SBF2: variants seen among roughly 807,000 people sequenced by gnomAD.
SBF2 encodes the protein SET binding factor 2, also known as myotubularin-related protein 13.
In SBF2, 112 loss-of-function variants were observed where a neutral mutation model predicts 225.2. The ratio of observed to expected loss-of-function variants is 0.50; its 90% CI spans 0.43 to 0.58. SBF2 has a LOEUF of 0.58. Ranked by LOEUF, SBF2 falls within the 20% of genes least tolerant of loss-of-function variation. SBF2 has a pLI of 0.00. For missense variants in SBF2, 1,996 were observed against 2,206.2 expected (o/e 0.90, Z 1.91); for synonymous variants, 763 against 773.3 (o/e 0.99, Z 0.22).
At chr11:9,910,776 C>T (rs547819680) in intron 16 of SBF2, among the ~76,000 whole-genome samples, 32 of 150,748 alleles carry the variant, frequency 2.1e-4, no homozygotes, top group African/African-American at 6.8e-4. Flanking sequence ...GGGCTGGGTA[C>T]GGTGGCTCAC....
chr11:10,192,711 A>C (rs1260264849), intron 2 of SBF2, among the ~76,000 whole-genome samples: 1 of 152,224 alleles, frequency 6.6e-6, no homozygotes, highest in Non-Finnish European at 1.5e-5. Flanking sequence ...GTCAAAAGTC[A>C]TACCACGCAG....
chr11:10,068,236 A>AT (rs1171831519), intron 2 of SBF2, among the ~76,000 whole-genome samples: 5 of 152,150 alleles, frequency 3.3e-5, no homozygotes, highest in Admixed American at 2.6e-4. Flanking sequence ...TCCTTAAGTG[A>AT]TTTTTTAAAA....
At chr11:9,841,278 A>G (rs1173468016) in intron 25 of SBF2, among the ~76,000 whole-genome samples, 1 of 152,214 alleles carries the variant, frequency 6.6e-6, no homozygotes, top group East Asian at 1.9e-4. Context: ...GTCTTTTAGT[A>G]GAATAATTAT....
In SBF2 at chr11:9,993,912, A is replaced by G; in HGVS notation, c.1053+9T>C. 7.1e-7 allele frequency: 1 copy of G among 1,413,296 alleles called. No individual in the cohort carries two copies. Among genetic ancestry groups the G allele is most frequent in the South Asian group, 1.2e-5 (1 of 86,702 alleles). The allele number at this position is 1,413,296 out of a possible 1,614,324, so 87.5% of individuals were successfully genotyped here. ...TAACAGCATTAAATTTAAATATTAA[A>G]CTTCTTACCAGCATTTTTGAGTGGG... is the stretch of plus-strand genomic sequence containing the variant. On this transcript the variant is annotated intron_variant, in intron 10 of 39. Transcript: ENST00000256190.
rs137993537 is a variant in SBF2 at position 10,090,828 on chromosome 11, C to A, written c.142-47847G>T. Reference sequence around the variant, plus strand: ...CAACTAAACAATCAAAACAGTAATTCCCCTCTTCCTAAGTTCCAAGCATGA... The same window carrying A: ...CAACTAAACAATCAAAACAGTAATTACCCTCTTCCTAAGTTCCAAGCATGA... On this transcript the variant is annotated intron_variant, in intron 2 of 39. Coordinates refer to ENST00000256190, the MANE Select transcript of SBF2 (RefSeq NM_030962.4). Among the ~76,000 whole-genome samples, 866 of 143,846 alleles carry A rather than the reference C, an allele frequency of 6.0e-3. 3 individuals carry two copies. Among genetic ancestry groups the A allele is most frequent in the Middle Eastern group, 0.019 (5 of 270 alleles). The allele number at this position is 143,846 out of a possible 152,430, so 94.4% of individuals were successfully genotyped here.
rs1051310829 is a variant in SBF2, at chr11:10,220,230, C to T, written c.56-26243G>A. Among the ~76,000 whole-genome samples the T allele has an allele frequency of 8.5e-5, 13 of 152,186 alleles. No individual in the cohort carries two copies. In the South Asian group the frequency reaches 2.1e-3, roughly 24 times the overall value. On this transcript the variant is annotated intron_variant, in intron 1 of 39. Coordinates refer to ENST00000256190, the MANE Select transcript of SBF2 (RefSeq NM_030962.4). ...GTAGGGGTACTGCCCTTTCTAAAACCATCAGATCTCATAAGACTTATTCAC... is the reference window on the plus strand; with the variant it reads ...GTAGGGGTACTGCCCTTTCTAAAACTATCAGATCTCATAAGACTTATTCAC...
intron 16 of SBF2, among the ~76,000 whole-genome samples, chr11:9,954,870 C>T (rs1866059957): frequency 6.6e-6 from 1 of 151,982 alleles, no homozygotes; most frequent in African/African-American, 2.4e-5. Flanking sequence ...ACAGAAAGTA[C>T]TAATAGCAAA....
chr11:9,967,286 G>C (rs572255575), intron 14 of SBF2, among the ~76,000 whole-genome samples: 1 of 151,862 alleles, frequency 6.6e-6, no homozygotes, highest in African/African-American at 2.4e-5. Flanking sequence ...GCAGGAGAAC[G>C]GTGTGAGCCC....
At chr11:10,046,062 A>C (rs1489653825) in intron 2 of SBF2, among the ~76,000 whole-genome samples, 1 of 152,236 alleles carries the variant, frequency 6.6e-6, no homozygotes, top group Non-Finnish European at 1.5e-5. Flanking sequence ...CTTAGGTATA[A>C]GTAATCTAGA....
chr11:9,937,059 G>C (rs1864948887), intron 16 of SBF2, among the ~76,000 whole-genome samples: 1 of 152,094 alleles, frequency 6.6e-6, no homozygotes, highest in Non-Finnish European at 1.5e-5. Context: ...CAAAGTATAG[G>C]AAGGGCCAAC....
At chr11:10,011,173 G>A (rs1200057009) in intron 6 of SBF2, among the ~76,000 whole-genome samples, 5 of 152,142 alleles carry the variant, frequency 3.3e-5, no homozygotes, top group Admixed American at 2.6e-4. Context: ...GTGTGAAATC[G>A]AATTATTAAC....
intron 2 of SBF2, among the ~76,000 whole-genome samples, chr11:10,109,203 G>A (rs1474058792): frequency 7.0e-6 from 1 of 142,400 alleles, no homozygotes; most frequent in African/African-American, 2.6e-5. Flanking sequence ...ATATATATAT[G>A]CAAATAGCTC....
intron 36 of SBF2, among the ~76,000 whole-genome samples, chr11:9,787,332 T>C (rs1303475516): frequency 6.6e-6 from 1 of 152,230 alleles, no homozygotes; most frequent in Non-Finnish European, 1.5e-5. Context: ...TCCTGCCTTA[T>C]GTGGTAGAAG....
At chr11:10,087,129 G>A (rs779583586) in intron 2 of SBF2, among the ~76,000 whole-genome samples, 2 of 150,974 alleles carry the variant, frequency 1.3e-5, no homozygotes, top group Non-Finnish European at 3.0e-5. Context: ...TGTGTAGGTC[G>A]GACCTTGCAC....
At chr11:10,133,344 G>A (rs189329169) in intron 2 of SBF2, among the ~76,000 whole-genome samples, 2,059 of 149,710 alleles carry the variant, frequency 0.014, 124 homozygotes, top group Non-Finnish European at 0.019. Context: ...ACTGGGTGCC[G>A]TGGAGCAGGG....
chr11:10,216,342 C>G (rs1591233853), intron 1 of SBF2, among the ~76,000 whole-genome samples: 1 of 152,216 alleles, frequency 6.6e-6, no homozygotes, highest in East Asian at 1.9e-4. Flanking sequence ...TTGAAGTACT[C>G]TCACCAACTG....
intron 1 of SBF2, among the ~76,000 whole-genome samples, chr11:10,195,555 C>T (rs148422187): frequency 6.7e-4 from 102 of 152,260 alleles, no homozygotes; most frequent in African/African-American, 2.4e-3. Context: ...GTCTTCACAA[C>T]GAATTCATTT....
chr11:10,133,090 T>G (rs1186015359), intron 2 of SBF2, among the ~76,000 whole-genome samples: 2 of 145,876 alleles, frequency 1.4e-5, no homozygotes, highest in Non-Finnish European at 3.0e-5. Context: ...GTTCTCCACT[T>G]CCTCACCAGA....
At chr11:9,883,265 T>C (rs760836910) in intron 17 of SBF2, among the ~76,000 whole-genome samples, 3 of 152,054 alleles carry the variant, frequency 2.0e-5, no homozygotes, top group Non-Finnish European at 4.4e-5. Context: ...TATGTACCAG[T>C]ATTTCTACCA....
Sources: allele counts gnomAD v4.1 joint callset (sites outside exome capture counted in the v4.1 genomes callset), GRCh38; gene constraint gnomAD v4.1.1; transcripts MANE v1.5; gene names NCBI Gene and HGNC (gene_info 2026-07-23, HGNC 2026-07-21).